The following QRFPR variants were observed in gnomAD, a reference collection of about 807,000 sequenced individuals.
QRFPR encodes pyroglutamylated RFamide peptide receptor.
A neutral mutation model predicts 31.3 loss-of-function variants in QRFPR; 37 were observed. The observed-to-expected ratio is 1.18, with a 90% CI of 0.91 to 1.56. The LOEUF (loss-of-function observed/expected upper bound fraction) is 1.56, where lower values mean the gene tolerates loss of function less well. QRFPR is among the 40% of genes most tolerant of loss of function. QRFPR has a pLI of 0.00. For missense variants in QRFPR, 542 were observed against 532.5 expected (o/e 1.02, Z -0.18); for synonymous variants, 197 against 192.0 (o/e 1.03, Z -0.22).
At chr4:121,374,174 G>A (rs1726305781) in intron 1 of QRFPR, among the ~76,000 whole-genome samples, 1 of 151,922 alleles carries the variant, frequency 6.6e-6, no homozygotes, top group South Asian at 2.1e-4. Flanking sequence ...AATTCATCTT[G>A]AAAGACTCTA....
At chr4:121,345,542 TAAC>T (rs1463864620) in intron 1 of QRFPR, among the ~76,000 whole-genome samples, 1 of 152,224 alleles carries the variant, frequency 6.6e-6, no homozygotes, top group African/African-American at 2.4e-5. Context: ...TGTGTACTGT[TAAC>T]TATAAGATTA....
chr4:121,355,534 G>A (rs1441217360), intron 1 of QRFPR, among the ~76,000 whole-genome samples: 2 of 151,734 alleles, frequency 1.3e-5, no homozygotes, highest in East Asian at 3.9e-4. Context: ...GATCTTTTGT[G>A]TTTTTTAAAA....
intron 1 of QRFPR, among the ~76,000 whole-genome samples, chr4:121,351,875 G>A (rs980944669): frequency 6.6e-6 from 1 of 151,194 alleles, no homozygotes; most frequent in African/African-American, 2.4e-5. Context: ...AAATAAATTG[G>A]GGTATGCCAA....
chr4:121,380,732 C>A lies in QRFPR; in HGVS notation c.-85G>T. ...CGGGGCAGCGAGGGCTTCGGGGGAC[C>A]AGCCGGAGGCCGCCTCCCTTCCTCT... On this transcript the variant is annotated 5_prime_UTR_variant, in exon 1 of 6. Coordinates refer to ENST00000394427, the MANE Select transcript of QRFPR (RefSeq NM_198179.3). 1 of 1,274,610 alleles carries A rather than the reference C, an allele frequency of 7.8e-7. No individual in the cohort carries two copies. The highest frequency in any genetic ancestry group is 1.1e-6 in the Non-Finnish European group (1 of 940,996). The allele number at this position is 1,274,610 out of a possible 1,614,324, so 79.0% of individuals were successfully genotyped here. A position where few individuals can be genotyped will look rare whatever the true frequency, so the allele number is the denominator to read the frequency against.
intron 1 of QRFPR, among the ~76,000 whole-genome samples, chr4:121,349,875 C>A (rs1242793952): frequency 2.0e-5 from 3 of 152,096 alleles, no homozygotes; most frequent in Non-Finnish European, 2.9e-5. Context: ...ATATTTTTCT[C>A]CAATAAGGCA....
chr4:121,340,449 C>T lies in QRFPR; in HGVS notation c.499+3G>A. 6.2e-7 allele frequency: 1 copy of T among 1,614,006 alleles called. No homozygotes were observed. The highest frequency in any genetic ancestry group is 1.7e-5 in the Admixed American group (1 of 59,976). ...CTGCCATTGGCACATCCAGTGGCCT[C>T]ACCTAGCATTGTGAAAGCCCTTCGG... On this transcript the variant is annotated splice_donor_region_variant and intron_variant, in intron 2 of 5. Coordinates refer to ENST00000394427, the MANE Select transcript of QRFPR (RefSeq NM_198179.3).
chr4:121,365,536 TATATATTATATATA>T (rs1560743609), intron 1 of QRFPR, among the ~76,000 whole-genome samples: 17 of 25,192 alleles, frequency 6.7e-4, no homozygotes, highest in African/African-American at 1.4e-3. Context: ...TTATATATAA[TATATATTATATATA>T]ATATATAATA....
chr4:121,365,542 T>A (rs1479413102), intron 1 of QRFPR, among the ~76,000 whole-genome samples: 989 of 19,258 alleles, frequency 0.051, 101 homozygotes, highest in East Asian at 0.081. Context: ...ATAATATATA[T>A]TATATATAAT....
At position 121,329,492 on chromosome 4, in the gene QRFPR, T is replaced by G. The variant is rs1222339654; in HGVS notation, c.1118A>C (p.Lys373Thr). ...ATTCTCTCTGAGGGAAAACTTTGCT[T>G]TCTTCCGCATCATTGTAATTCCTGA... is the stretch of plus-strand genomic sequence containing the variant. ...GNSGITMMRK[K>T]AKFSLRENPV... The change falls in exon 6 of 6, where the codon AAA becomes ACA. Residue 373 changes from lysine (K) to threonine (T), a missense_variant. Physicochemically the swap from Lys to Thr is moderately conservative, Grantham distance 78. Coordinates refer to ENST00000394427, the MANE Select transcript of QRFPR (RefSeq NM_198179.3). 1 of 1,614,198 alleles carries G rather than the reference T, an allele frequency of 6.2e-7. No homozygotes were observed. The highest frequency in any genetic ancestry group is 8.5e-7 in the Non-Finnish European group (1 of 1,180,016).
intron 1 of QRFPR, among the ~76,000 whole-genome samples, chr4:121,350,348 T>G (rs1725739646): frequency 6.6e-6 from 1 of 152,238 alleles, no homozygotes; most frequent in African/African-American, 2.4e-5. Flanking sequence ...AGTCCCCATA[T>G]TATTTTCAGC....
chr4:121,380,048 G>A (rs1355400643), intron 1 of QRFPR, among the ~76,000 whole-genome samples: 2 of 152,028 alleles, frequency 1.3e-5, no homozygotes, highest in African/African-American at 4.8e-5. Flanking sequence ...AGGAAGCACT[G>A]GAGGGGAATC....
chr4:121,348,283 G>A (rs1725695716), intron 1 of QRFPR, among the ~76,000 whole-genome samples: 1 of 152,146 alleles, frequency 6.6e-6, no homozygotes, highest in South Asian at 2.1e-4. Context: ...AGCCTACTGT[G>A]TTTAGGCCAA....
At chr4:121,349,765 A>T (rs1267457509) in intron 1 of QRFPR, among the ~76,000 whole-genome samples, 1 of 152,212 alleles carries the variant, frequency 6.6e-6, no homozygotes, top group African/African-American at 2.4e-5. Flanking sequence ...ATCCTAAAAT[A>T]TTGGCCCCTG....
chr4:121,359,068 C>G (rs774556739), intron 1 of QRFPR, among the ~76,000 whole-genome samples: 15 of 152,100 alleles, frequency 9.9e-5, no homozygotes, highest in Non-Finnish European at 1.6e-4. Flanking sequence ...ATGCATCCCC[C>G]AAATCCCAGG....
chr4:121,380,218 A>AGAGAGAGAGAGAGAGG, intron 1 of QRFPR, 90 bp downstream of exon 1: 1 of 740,854 alleles, frequency 1.3e-6, no homozygotes, highest in Non-Finnish European at 2.2e-6. Flanking sequence ...AGAGAGAGAG[A>AGAGAGAGAGAGAGAGG]GAGAGAGAGA....
At chr4:121,329,802 T>C in intron 5 of QRFPR, 88 bp from the exon 6 acceptor site, 1 of 979,766 alleles carries the variant, frequency 1.0e-6, no homozygotes, top group Non-Finnish European at 1.4e-6. Flanking sequence ...AGACTTAAAC[T>C]TGTACAAGTA....
rs995830156 is a variant in QRFPR, at chr4:121,329,547, T to A, written c.1063A>T (p.Thr355Ser). ...SAVCYCIVNK[T>S]FSPAQRHGNS... ...CCATGCCTTTGTGCTGGAGAGAAGG[T>A]TTTATTTACTATGCAATAACAAACT... The change falls in exon 6 of 6, where the codon ACC becomes TCC. Residue 355 changes from threonine (T) to serine (S), a missense_variant. Physicochemically the swap from Thr to Ser is moderately conservative, Grantham distance 58 (BLOSUM62 1). Coordinates refer to ENST00000394427, the MANE Select transcript of QRFPR (RefSeq NM_198179.3). 1.2e-6 allele frequency: 2 copies of A among 1,613,686 alleles called. No individual in the cohort carries two copies. The highest frequency in any genetic ancestry group is 1.7e-6 in the Non-Finnish European group (2 of 1,179,876).
intron 4 of QRFPR, among the ~76,000 whole-genome samples, chr4:121,332,135 CCCA>C (rs1725339040): frequency 1.3e-5 from 2 of 152,264 alleles, no homozygotes; most frequent in East Asian, 3.9e-4. Context: ...ATGATAAAAT[CCCA>C]CCAAATCACC....
At chr4:121,372,793 T>G (rs1459948742) in intron 1 of QRFPR, among the ~76,000 whole-genome samples, 1 of 152,228 alleles carries the variant, frequency 6.6e-6, no homozygotes, top group Admixed American at 6.5e-5. Context: ...TTCCACTGTG[T>G]GTATACACAG....
Sources: gnomAD v4.1 joint callset for allele counts (sites outside exome capture counted in the v4.1 genomes callset) on GRCh38, gnomAD v4.1.1 for gene constraint, MANE v1.5 for transcripts, NCBI Gene and HGNC (gene_info 2026-07-23, HGNC 2026-07-21) for gene names.